RALA: variants seen among roughly 807,000 people sequenced by gnomAD.
RALA encodes RAS like proto-oncogene A, also known as ras-related protein Ral-A.
A neutral mutation model predicts 24.0 loss-of-function variants in RALA; 5 were observed. That is an observed-to-expected ratio of 0.21 (90% CI 0.11 to 0.44). RALA has a LOEUF of 0.44. Among genes scored for constraint, RALA ranks in the 20% least tolerant of loss-of-function variants. The pLI, the probability that RALA is intolerant of heterozygous loss-of-function variation, is 0.99. For missense variants in RALA, 95 were observed against 241.2 expected (o/e 0.39, Z 4.01); for synonymous variants, 77 against 83.8 (o/e 0.92, Z 0.44).
At chr7:39,683,722 A>T (rs1238303857) in intron 1 of RALA, among the ~76,000 whole-genome samples, 1 of 151,922 alleles carries the variant, frequency 6.6e-6, no homozygotes, top group Non-Finnish European at 1.5e-5. Flanking sequence ...GCACTTTGGA[A>T]AAACATCCTT....
chr7:39,637,722 C>A (rs919779704), intron 1 of RALA, among the ~76,000 whole-genome samples: 1 of 152,176 alleles, frequency 6.6e-6, no homozygotes, highest in Admixed American at 6.5e-5. Context: ...TTCCTCCCAG[C>A]TTTTTGTTTT....
At chr7:39,696,275 C>G (rs1792919177) in intron 3 of RALA, among the ~76,000 whole-genome samples, 1 of 152,160 alleles carries the variant, frequency 6.6e-6, no homozygotes, top group Non-Finnish European at 1.5e-5. Context: ...TCCCAAGAAC[C>G]AATAACCCTA....
At chr7:39,692,028 G>A (rs1227918622) in intron 3 of RALA, among the ~76,000 whole-genome samples, 1 of 152,118 alleles carries the variant, frequency 6.6e-6, no homozygotes. Context: ...ATTACTCTTA[G>A]GGCGTACCTC....
intron 2 of RALA, among the ~76,000 whole-genome samples, chr7:39,687,649 A>C (rs1419252382): frequency 1.3e-5 from 2 of 152,178 alleles, no homozygotes; most frequent in Non-Finnish European, 2.9e-5. Flanking sequence ...GAATGTTATC[A>C]AGTCTTAATG....
chr7:39,651,887 A>T (rs1792024077), intron 1 of RALA, among the ~76,000 whole-genome samples: 1 of 152,214 alleles, frequency 6.6e-6, no homozygotes, highest in South Asian at 2.1e-4. Flanking sequence ...TTTTACTATG[A>T]TGAATAATGT....
chr7:39,653,319 C>T lies in RALA; in HGVS notation c.-38+29494C>T, dbSNP rs150319225. Among the ~76,000 whole-genome samples, 162 of 152,070 alleles carry T rather than the reference C, an allele frequency of 1.1e-3. No individual in the cohort carries two copies. In the East Asian group the frequency reaches 0.02, roughly 19 times the overall value. On this transcript the variant is annotated intron_variant, in intron 1 of 4. Coordinates refer to ENST00000005257, the MANE Select transcript of RALA (RefSeq NM_005402.4). ...CTGAGATTACAGGCATGAGCCACCA[C>T]GCCCGGCCTATTATTATTGTTTTTT... is the stretch of plus-strand genomic sequence containing the variant.
intron 1 of RALA, among the ~76,000 whole-genome samples, chr7:39,637,478 A>G (rs931264087): frequency 3.3e-5 from 5 of 152,246 alleles, no homozygotes; most frequent in Non-Finnish European, 5.9e-5. Flanking sequence ...AATACTTCAA[A>G]AAGTATTCCT....
intron 3 of RALA, among the ~76,000 whole-genome samples, chr7:39,693,079 A>G (rs1011295663): frequency 6.6e-6 from 1 of 152,228 alleles, no homozygotes; most frequent in Non-Finnish European, 1.5e-5. Context: ...TATGTACCCA[A>G]AGGATTATAA....
intron 1 of RALA, among the ~76,000 whole-genome samples, chr7:39,679,424 T>C (rs1362925954): frequency 6.6e-6 from 1 of 152,198 alleles, no homozygotes; most frequent in Admixed American, 6.5e-5. Flanking sequence ...CATACAGTTA[T>C]CAGTTTGGTG....
In RALA at chr7:39,642,482, C is replaced by T. The variant is rs542328978; in HGVS notation, c.-38+18657C>T. ...AGAGAGAGGGTAGAGATAGATTTTC[C>T]TTGGTTTGCTATCTCTCAGTTGTCT... On this transcript the variant is annotated intron_variant, in intron 1 of 4. Transcript: ENST00000005257. Among the ~76,000 whole-genome samples, 23 of 152,158 alleles carry T rather than the reference C, an allele frequency of 1.5e-4. No homozygotes were observed. In the South Asian group the frequency reaches 4.4e-3, roughly 29 times the overall value.
intron 1 of RALA, among the ~76,000 whole-genome samples, chr7:39,664,687 C>T (rs1291000171): frequency 1.3e-5 from 2 of 152,192 alleles, no homozygotes; most frequent in East Asian, 1.9e-4. Flanking sequence ...CTGTGAAAGC[C>T]ATTAAGCCCC....
intron 1 of RALA, among the ~76,000 whole-genome samples, chr7:39,626,917 TG>T (rs1445352629): frequency 6.6e-6 from 1 of 152,214 alleles, no homozygotes; most frequent in Non-Finnish European, 1.5e-5. Context: ...TCATTTTCTC[TG>T]GGTTTAAGAT....
At chr7:39,659,289 T>TA (rs1792145637) in intron 1 of RALA, among the ~76,000 whole-genome samples, 1 of 151,934 alleles carries the variant, frequency 6.6e-6, no homozygotes, top group Non-Finnish European at 1.5e-5. Flanking sequence ...GTCTCAAAAA[T>TA]AAAAAATAAA....
intron 4 of RALA, among the ~76,000 whole-genome samples, chr7:39,699,151 T>G (rs1792975545): frequency 7.5e-6 from 1 of 133,370 alleles, no homozygotes; most frequent in African/African-American, 3.1e-5. Flanking sequence ...TTTTTTTTTT[T>G]GAGACGGAGT....
chr7:39,683,280 C>T (rs1381019290), intron 1 of RALA, among the ~76,000 whole-genome samples: 1 of 152,138 alleles, frequency 6.6e-6, no homozygotes, highest in African/African-American at 2.4e-5. Flanking sequence ...CTAGAACATG[C>T]TCCCCACTCC....
intron 1 of RALA, among the ~76,000 whole-genome samples, chr7:39,667,604 C>T (rs1236165079): frequency 6.6e-6 from 1 of 152,176 alleles, no homozygotes; most frequent in East Asian, 1.9e-4. Context: ...GAACAGAGGG[C>T]AGAAGAGATG....
intron 4 of RALA, chr7:39,700,481 C>G (rs921967877): frequency 1.3e-5 from 2 of 152,302 alleles, no homozygotes; most frequent in Non-Finnish European, 2.9e-5. Flanking sequence ...GGCTTCCTCA[C>G]AGCACAGTGG....
intron 1 of RALA, among the ~76,000 whole-genome samples, chr7:39,662,664 A>G (rs1024460621): frequency 2.6e-5 from 4 of 152,140 alleles, no homozygotes; most frequent in Non-Finnish European, 4.4e-5. Flanking sequence ...CATTGTCTAT[A>G]TATCATTATC....
chr7:39,697,895 A>G (rs191889499), intron 4 of RALA, among the ~76,000 whole-genome samples: 2 of 152,156 alleles, frequency 1.3e-5, no homozygotes, highest in East Asian at 1.9e-4. Flanking sequence ...CAAAGTGAGT[A>G]CTACAGGATT....
Sources: gnomAD v4.1 joint callset for allele counts (sites outside exome capture counted in the v4.1 genomes callset) on GRCh38, gnomAD v4.1.1 for gene constraint, MANE v1.5 for transcripts, NCBI Gene and HGNC (gene_info 2026-07-23, HGNC 2026-07-21) for gene names.